MGAT4C: variants seen among roughly 807,000 people sequenced by gnomAD.
MGAT4C encodes the protein MGAT4 family member C, also known as alpha-1,3-mannosyl-glycoprotein 4-beta-N-acetylglucosaminyltransferase C.
A neutral mutation model predicts 40.1 loss-of-function variants in MGAT4C; 19 were observed. The ratio of observed to expected loss-of-function variants is 0.47; its 90% confidence interval spans 0.33 to 0.70. MGAT4C has a LOEUF of 0.70. Among genes scored for constraint, MGAT4C ranks in the 30% least tolerant of loss-of-function variants. The pLI is 0.02. For synonymous variants in MGAT4C, 181 were observed against 187.1 expected (o/e 0.97, Z 0.27); for missense variants, 491 against 563.2 (o/e 0.87, Z 1.30).
chr12:86,220,825 T>G (rs2135986055), intron 1 of MGAT4C, among the ~76,000 whole-genome samples: 1 of 152,284 alleles, frequency 6.6e-6, no homozygotes, highest in African/African-American at 2.4e-5. Context: ...TAAAGAGGAA[T>G]TTGCCAGCAG....
At chr12:86,072,284 G>A (rs1224936640) in intron 1 of MGAT4C, among the ~76,000 whole-genome samples, 2 of 151,948 alleles carry the variant, frequency 1.3e-5, no homozygotes, top group Admixed American at 1.3e-4. Context: ...TCTTTCTGAA[G>A]AAAGCAAAGT....
chr12:86,502,617 GTA>G (rs10550912), intron 2 of MGAT4C, among the ~76,000 whole-genome samples: 100,618 of 146,484 alleles, frequency 0.69, 35,421 homozygotes, highest in South Asian at 0.82. Flanking sequence ...ATATATATAT[GTA>G]TATATATATA....
chr12:86,189,642 C>G (rs895533015), intron 1 of MGAT4C, among the ~76,000 whole-genome samples: 1 of 151,998 alleles, frequency 6.6e-6, no homozygotes, highest in Non-Finnish European at 1.5e-5. Flanking sequence ...TCTTTTATTT[C>G]TTAAAAGCTC....
chr12:86,662,206 T>C (rs2042869), intron 2 of MGAT4C, among the ~76,000 whole-genome samples: 19,784 of 152,080 alleles, frequency 0.13, 1,991 homozygotes, highest in African/African-American at 0.28. Context: ...ATCAGAGCAA[T>C]ATGAGATTAA....
intron 3 of MGAT4C, among the ~76,000 whole-genome samples, chr12:86,402,355 G>A (rs1428017377): frequency 2.6e-5 from 4 of 152,220 alleles, no homozygotes; most frequent in South Asian, 2.1e-4. Flanking sequence ...AACCCAGGAG[G>A]TGGAGGTTGC....
intron 1 of MGAT4C, among the ~76,000 whole-genome samples, chr12:86,751,387 G>T (rs75048796): frequency 6.6e-6 from 1 of 151,884 alleles, no homozygotes; most frequent in African/African-American, 2.4e-5. Context: ...CATTAACCAG[G>T]TAAGTGTGCA....
At chr12:86,376,910 G>A (rs2136216532) in intron 3 of MGAT4C, among the ~76,000 whole-genome samples, 1 of 151,892 alleles carries the variant, frequency 6.6e-6, no homozygotes, top group African/African-American at 2.4e-5. Flanking sequence ...AGATTGAAAG[G>A]AGAGATACAT....
chr12:86,834,220 C>T (rs1314903463), intron 1 of MGAT4C, among the ~76,000 whole-genome samples: 1 of 148,448 alleles, frequency 6.7e-6, no homozygotes, highest in Non-Finnish European at 1.5e-5. Flanking sequence ...AGATATAGGT[C>T]CATCTATAGA....
intron 2 of MGAT4C, among the ~76,000 whole-genome samples, chr12:86,686,864 A>T (rs1950081345): frequency 6.6e-6 from 1 of 152,188 alleles, no homozygotes; most frequent in Admixed American, 6.5e-5. Context: ...TGTGTTAGGG[A>T]GGAGTCCCTC....
chr12:86,487,864 G>A (rs188350008), intron 2 of MGAT4C, among the ~76,000 whole-genome samples: 6 of 152,146 alleles, frequency 3.9e-5, no homozygotes, highest in Non-Finnish European at 7.4e-5. Context: ...TAAACATTGC[G>A]TCTAAAATAA....
intron 2 of MGAT4C, among the ~76,000 whole-genome samples, chr12:86,015,235 G>C (rs901215007): frequency 6.8e-6 from 1 of 148,038 alleles, no homozygotes; most frequent in Non-Finnish European, 1.5e-5. Context: ...CGGTTTTTCC[G>C]CAATTACTTT....
At chr12:86,342,343 T>G (rs1333671074) in intron 3 of MGAT4C, among the ~76,000 whole-genome samples, 2 of 152,030 alleles carry the variant, frequency 1.3e-5, no homozygotes, top group Admixed American at 6.6e-5. Context: ...CCAGGTCTGG[T>G]ACTCCAGCCA....
At chr12:86,076,661 G>C (rs543999600) in intron 1 of MGAT4C, among the ~76,000 whole-genome samples, 59 of 152,228 alleles carry the variant, frequency 3.9e-4, no homozygotes, top group African/African-American at 1.4e-3. Flanking sequence ...ATGAGGAAGA[G>C]GCAAAAGCGG....
chr12:86,613,482 A>G (rs2136478334), intron 2 of MGAT4C, among the ~76,000 whole-genome samples: 1 of 152,326 alleles, frequency 6.6e-6, no homozygotes, highest in South Asian at 2.1e-4. Context: ...TATACATGTC[A>G]GAATTGGCAA....
chr12:86,393,604 T>C (rs1233949663), intron 3 of MGAT4C, among the ~76,000 whole-genome samples: 1 of 152,194 alleles, frequency 6.6e-6, no homozygotes. Context: ...TGTGGCAGAC[T>C]CTGCTATTCA....
chr12:86,058,483 C>A (rs1013571386), intron 1 of MGAT4C, among the ~76,000 whole-genome samples: 10 of 152,080 alleles, frequency 6.6e-5, no homozygotes, highest in African/African-American at 2.2e-4. Flanking sequence ...TTATGCCTTA[C>A]AATTTACAGT....
chr12:85,982,207 T>G (rs1034787464), intron 4 of MGAT4C, among the ~76,000 whole-genome samples: 2 of 152,092 alleles, frequency 1.3e-5, no homozygotes, highest in African/African-American at 4.8e-5. Flanking sequence ...TGAAATGGAG[T>G]CTTGCTCTGT....
intron 2 of MGAT4C, among the ~76,000 whole-genome samples, chr12:86,709,034 AG>A (rs2136628208): frequency 6.6e-6 from 1 of 152,204 alleles, no homozygotes; most frequent in Non-Finnish European, 1.5e-5. Flanking sequence ...GAGATTTGGG[AG>A]GGGCCAGGGG....
In MGAT4C at chr12:86,831,151, A is replaced by G. The variant is rs140873722; in HGVS notation, c.-262+7515T>C. On this transcript the variant is annotated intron_variant, in intron 1 of 7. Transcript: ENST00000548651. ...TCAATAATTTGCCATGTTAATCTTC[A>G]TTTCTACATGTAAATTCTACCTATT... is the stretch of plus-strand genomic sequence containing the variant. 4.3e-4 allele frequency among the ~76,000 whole-genome samples: 65 copies of G among 151,862 alleles called. 1 individual carries two copies. Among genetic ancestry groups the G allele is most frequent in the Admixed American group, 1.3e-3 (20 of 15,158 alleles).
Sources: gnomAD v4.1 joint callset for allele counts (sites outside exome capture counted in the v4.1 genomes callset) on GRCh38, gnomAD v4.1.1 for gene constraint, MANE v1.5 for transcripts, NCBI Gene and HGNC (gene_info 2026-07-23, HGNC 2026-07-21) for gene names.